ELAPOR2: variants seen among roughly 807,000 people sequenced by gnomAD.
ELAPOR2 encodes endosome-lysosome associated apoptosis and autophagy regulator family member 2, also known as endosome/lysosome-associated apoptosis and autophagy regulator family member 2.
A neutral mutation model predicts 120.7 loss-of-function variants in ELAPOR2; 89 were observed. That is an observed-to-expected ratio of 0.74 (90% CI 0.62 to 0.88). ELAPOR2 has a LOEUF of 0.88. ELAPOR2 is among the 40% of genes least tolerant of loss of function. ELAPOR2 has a pLI of 0.00. For missense variants in ELAPOR2, 1,134 were observed against 1,251.6 expected, an observed-to-expected ratio of 0.91 and a Z score of 1.42; for synonymous variants, 444 against 444.9, an observed-to-expected ratio of 1.00 and a Z score of 0.03.
At chr7:86,921,917 T>C (rs929485656) in intron 10 of ELAPOR2, among the ~76,000 whole-genome samples, 5 of 152,098 alleles carry the variant, frequency 3.3e-5, no homozygotes, top group African/African-American at 1.2e-4. Flanking sequence ...GCCACACCTG[T>C]GAGTTTAAAT....
chr7:86,947,955 T>TA (rs1355024685), intron 2 of ELAPOR2, 33 bp from the exon 3 acceptor site: 2 of 1,436,224 alleles, frequency 1.4e-6, no homozygotes, highest in East Asian at 2.5e-5. Context: ...ACCCATTACT[T>TA]ACCCTCCCAT....
At chr7:87,002,246 T>C (rs546905788) in intron 1 of ELAPOR2, among the ~76,000 whole-genome samples, 17 of 152,258 alleles carry the variant, frequency 1.1e-4, no homozygotes, top group African/African-American at 3.9e-4. Context: ...TATGCACAGT[T>C]ACTAGTTGTG....
chr7:86,934,549 T>C (rs932854881), intron 8 of ELAPOR2, among the ~76,000 whole-genome samples: 2 of 151,976 alleles, frequency 1.3e-5, no homozygotes, highest in Non-Finnish European at 2.9e-5. Context: ...AAATACTCTA[T>C]GGCAGTAACT....
chr7:86,953,639 C>T (rs1791357786), intron 2 of ELAPOR2, among the ~76,000 whole-genome samples: 1 of 152,150 alleles, frequency 6.6e-6, no homozygotes, highest in Non-Finnish European at 1.5e-5. Context: ...TTATTAATAG[C>T]TGTTGTTAAC....
intron 8 of ELAPOR2, among the ~76,000 whole-genome samples, chr7:86,928,521 C>T (rs1790181032): frequency 6.6e-6 from 1 of 151,774 alleles, no homozygotes; most frequent in African/African-American, 2.4e-5. Flanking sequence ...GTGCTGACAC[C>T]CTGTACTATG....
intron 1 of ELAPOR2, among the ~76,000 whole-genome samples, chr7:87,002,526 G>C (rs1620979): frequency 0.38 from 57,356 of 151,770 alleles, 11,668 homozygotes; most frequent in African/African-American, 0.53. Context: ...GTAGGCAAAG[G>C]ATGCTACCAG....
chr7:87,054,347 T>C (rs924373126), intron 1 of ELAPOR2, among the ~76,000 whole-genome samples: 2 of 152,238 alleles, frequency 1.3e-5, no homozygotes, highest in African/African-American at 2.4e-5. Flanking sequence ...ATCTGTCAAC[T>C]CTTGGTTTTA....
intron 2 of ELAPOR2, among the ~76,000 whole-genome samples, chr7:86,948,961 T>G (rs1791120430): frequency 6.6e-6 from 1 of 152,190 alleles, no homozygotes; most frequent in Non-Finnish European, 1.5e-5. Flanking sequence ...CACATTTAGG[T>G]AGATTCTTCT....
intron 1 of ELAPOR2, among the ~76,000 whole-genome samples, chr7:87,012,507 A>C (rs1371926155): frequency 2.0e-5 from 3 of 152,130 alleles, no homozygotes; most frequent in African/African-American, 7.2e-5. Context: ...GTATGTTTTT[A>C]TTCAATTATA....
chr7:86,937,800 A>G (rs1474450974), intron 8 of ELAPOR2, among the ~76,000 whole-genome samples: 2 of 152,130 alleles, frequency 1.3e-5, no homozygotes, highest in East Asian at 1.9e-4. Context: ...ATTGAGCACT[A>G]TGTGACAGGC....
At chr7:87,012,602 T>C (rs192742622) in intron 1 of ELAPOR2, among the ~76,000 whole-genome samples, 1 of 152,292 alleles carries the variant, frequency 6.6e-6, no homozygotes, top group African/African-American at 2.4e-5. Flanking sequence ...TATCTGTACT[T>C]TCTGTTCACA....
At chr7:86,957,034 A>G (rs1356420598) in intron 2 of ELAPOR2, among the ~76,000 whole-genome samples, 2 of 152,182 alleles carry the variant, frequency 1.3e-5, no homozygotes, top group Admixed American at 6.5e-5. Flanking sequence ...TCCTCATAAA[A>G]CACTTTTTTC....
In ELAPOR2 at chr7:86,878,018, G is replaced by A. The variant is rs1176683058; in HGVS notation, c.*2453C>T. On this transcript the variant is annotated 3_prime_UTR_variant, in exon 22 of 22. Coordinates refer to ENST00000450689, the MANE Select transcript of ELAPOR2 (RefSeq NM_001142749.3). ...AATTGATTTAAATACGTTTTGACGA[G>A]TGCTAAGAGATGTTATAGGCAACAG... 2.0e-5 allele frequency: 3 copies of A among 152,256 alleles called. No individual in the cohort carries two copies. The highest frequency in any genetic ancestry group is 6.5e-5 in the Admixed American group (1 of 15,278). 9.4% of individuals were successfully genotyped at this position (152,256 alleles called of 1,614,324 possible).
At chr7:87,039,067 A>C (rs1794678080) in intron 1 of ELAPOR2, among the ~76,000 whole-genome samples, 1 of 152,180 alleles carries the variant, frequency 6.6e-6, no homozygotes, top group Non-Finnish European at 1.5e-5. Flanking sequence ...AAAATCAGAA[A>C]TGAAAAAGAA....
At chr7:86,983,089 G>C (rs1227461465) in intron 1 of ELAPOR2, among the ~76,000 whole-genome samples, 4 of 152,206 alleles carry the variant, frequency 2.6e-5, no homozygotes, top group African/African-American at 9.6e-5. Flanking sequence ...GGGTATCAGT[G>C]ATTGCAGATT....
chr7:86,920,430 TA>T (rs1482216444), intron 10 of ELAPOR2, among the ~76,000 whole-genome samples: 1 of 151,896 alleles, frequency 6.6e-6, no homozygotes, highest in East Asian at 1.9e-4. Context: ...CCAGTAGGGA[TA>T]AAAAGCAGAA....
chr7:86,970,502 T>G (rs1302312566), intron 1 of ELAPOR2, among the ~76,000 whole-genome samples: 1 of 152,110 alleles, frequency 6.6e-6, no homozygotes, highest in Non-Finnish European at 1.5e-5. Context: ...CACACTTATT[T>G]GAGAGAGCAA....
chr7:87,029,159 A>G (rs1794347186), intron 1 of ELAPOR2, among the ~76,000 whole-genome samples: 1 of 152,162 alleles, frequency 6.6e-6, no homozygotes, highest in Non-Finnish European at 1.5e-5. Flanking sequence ...CCATTTCATA[A>G]TCTCCATAAG....
At chr7:86,984,337 T>C (rs1792629645) in intron 1 of ELAPOR2, among the ~76,000 whole-genome samples, 1 of 152,228 alleles carries the variant, frequency 6.6e-6, no homozygotes, top group Non-Finnish European at 1.5e-5. Flanking sequence ...CAAGCTGACC[T>C]AATAGACATC....
Sources: gnomAD v4.1 joint callset for allele counts (sites outside exome capture counted in the v4.1 genomes callset) on GRCh38, gnomAD v4.1.1 for gene constraint, MANE v1.5 for transcripts, NCBI Gene and HGNC (gene_info 2026-07-23, HGNC 2026-07-21) for gene names.